TPX2: variants seen among roughly 807,000 people sequenced by gnomAD.
TPX2 encodes the protein TPX2 microtubule nucleation factor.
TPX2 carries 21 observed loss-of-function variants against 93.6 expected under a neutral mutation model. That is an observed-to-expected ratio of 0.22 (90% confidence interval 0.16 to 0.32). The LOEUF is 0.32. TPX2 is among the 10% of genes least tolerant of loss of function. The probability of loss-of-function intolerance (pLI) is 1.00; values close to 1 mark genes in which losing one functional copy is unlikely to be tolerated. For synonymous variants in TPX2, 281 were observed against 298.3 expected (o/e 0.94, Z 0.60); for missense variants, 776 against 871.1 (o/e 0.89, Z 1.37).
intron 2 of TPX2, among the ~76,000 whole-genome samples, chr20:31,744,001 G>A (rs938342594): frequency 6.6e-6 from 1 of 151,226 alleles, no homozygotes; most frequent in Non-Finnish European, 1.5e-5. Context: ...GATTACAGGC[G>A]TGAGCCACCG....
At chr20:31,768,232 C>A (rs2061941256) in intron 5 of TPX2, among the ~76,000 whole-genome samples, 1 of 148,594 alleles carries the variant, frequency 6.7e-6, no homozygotes, top group Non-Finnish European at 1.5e-5. Context: ...CCATGCCCGA[C>A]ACATGCCATC....
At chr20:31,785,311 A>AG (rs2062058833) in intron 12 of TPX2, among the ~76,000 whole-genome samples, 1 of 152,088 alleles carries the variant, frequency 6.6e-6, no homozygotes, top group Non-Finnish European at 1.5e-5. Flanking sequence ...CTTTGTCTTT[A>AG]CCCATTGAGG....
chr20:31,753,943 T>G (rs2061835769), intron 2 of TPX2, among the ~76,000 whole-genome samples: 2 of 151,956 alleles, frequency 1.3e-5, no homozygotes, highest in African/African-American at 4.8e-5. Flanking sequence ...AGAGAATCGC[T>G]TGAACCCAGG....
intron 17 of TPX2, among the ~76,000 whole-genome samples, chr20:31,799,652 C>T (rs1051914582): frequency 3.3e-5 from 5 of 152,126 alleles, no homozygotes; most frequent in Admixed American, 6.5e-5. Flanking sequence ...GTAATCCCAG[C>T]ACTATGGGAG....
rs567634733 is a variant in TPX2, at chr20:31,800,991, C to T, written c.2155C>T (p.Arg719Cys). ...RELVHKANPI[R>C]KYQGLEIKSS... ...GCAGGTGCATAAGGCAAATCCAATA[C>T]GCAAGTACCAGGGTCTGGAGATAAA... Residue 719 changes from arginine (R) to cysteine (C), a missense_variant, in exon 18 of 18, where the codon CGC becomes TGC. This residue lies in a region of TPX2 where 461 missense variants were observed against 551.2 expected (regional missense o/e 0.84). Transcript: ENST00000300403. The T allele has an allele frequency of 4.0e-5, 65 of 1,614,152 alleles. No homozygotes were observed. In the South Asian group the frequency reaches 4.8e-4, roughly 12 times the overall value.
intron 4 of TPX2, among the ~76,000 whole-genome samples, chr20:31,762,143 A>G (rs974151154): frequency 1.3e-5 from 2 of 152,152 alleles, no homozygotes; most frequent in Non-Finnish European, 2.9e-5. Flanking sequence ...CCCTTCTTGA[A>G]TGAATAGTTA....
chr20:31,800,615 C>G (rs1297102732), intron 17 of TPX2, among the ~76,000 whole-genome samples: 5 of 152,176 alleles, frequency 3.3e-5, no homozygotes, highest in Non-Finnish European at 7.3e-5. Context: ...CTGGGAAATT[C>G]TTAGCTTGTA....
intron 9 of TPX2, among the ~76,000 whole-genome samples, chr20:31,778,019 C>T (rs571928211): frequency 3.0e-4 from 46 of 152,242 alleles, no homozygotes; most frequent in African/African-American, 1.1e-3. Flanking sequence ...AGGCGATCCA[C>T]CTGCCTCAGC....
At position 31,760,167 on chromosome 20, in the gene TPX2, C is replaced by A. The variant is rs752019175; in HGVS notation, c.217C>A (p.Pro73Thr). The A allele has an allele frequency of 3.1e-6, 5 of 1,613,444 alleles. No homozygotes were observed. Among genetic ancestry groups the A allele is most frequent in the Non-Finnish European group, 3.4e-6 (4 of 1,179,838 alleles). Reference sequence around the variant, plus strand: ...TAATCTTCAGCAAGCTATTGTCACACCTTTGAAACCAGGTAAGAAAACATC... The same window carrying A: ...TAATCTTCAGCAAGCTATTGTCACAACTTTGAAACCAGGTAAGAAAACATC... ...KANLQQAIVT[P>T]LKPVDNTYYK... is the part of the protein sequence containing the mutation. The change falls in exon 4 of 18, where the codon CCT (proline) becomes ACT (threonine). Residue 73 changes from proline to threonine, a missense_variant. Pro to Thr is a conservative substitution (Grantham distance 38). Around this residue, in one of 3 missense-constraint regions of TPX2, gnomAD observed 279 missense variants for 261.6 expected, o/e 1.07. Coordinates refer to ENST00000300403, the MANE Select transcript of TPX2 (RefSeq NM_012112.5).
chr20:31,746,820 G>A (rs1324338980), intron 2 of TPX2, among the ~76,000 whole-genome samples: 1 of 152,184 alleles, frequency 6.6e-6, no homozygotes, highest in East Asian at 1.9e-4. Context: ...GATGAATGTG[G>A]GAACAGGTTA....
intron 4 of TPX2, among the ~76,000 whole-genome samples, chr20:31,766,226 T>A (rs2061923922): frequency 6.6e-6 from 1 of 152,242 alleles, no homozygotes; most frequent in Non-Finnish European, 1.5e-5. Context: ...TTCCTTACTT[T>A]GTAAGTGATT....
At position 31,759,765 on chromosome 20, in the gene TPX2, T is replaced by G. The variant is rs6119720; in HGVS notation, c.107-292T>G. Among the ~76,000 whole-genome samples, 42,949 of 151,922 alleles carry G rather than the reference T, an allele frequency of 0.28. 7,441 individuals carry two copies. Among genetic ancestry groups the G allele is most frequent in the African/African-American group, 0.48 (19,749 of 41,406 alleles). ...TAGATAAAGCCAGTTCATATTTGTA[T>G]GACCCTAAATGTGTACCAAACAAAG... is the stretch of plus-strand genomic sequence containing the variant. On this transcript the variant is annotated intron_variant, in intron 3 of 17. Coordinates refer to ENST00000300403, the MANE Select transcript of TPX2 (RefSeq NM_012112.5).
chr20:31,782,340 C>G lies in TPX2; in HGVS notation c.1146C>G (p.Thr382=). 6.2e-7 allele frequency: 1 copy of G among 1,613,614 alleles called. No individual in the cohort carries two copies. The highest frequency in any genetic ancestry group is 8.5e-7 in the Non-Finnish European group (1 of 1,179,830). ...LQTKHRARAV[T]CKSTAELEAE... ...CCAAACACCGTGCACGGGCTGTGAC[C>G]TGCAAAAGTACAGCAGAGCTGGAGG... Residue 382 remains threonine, a synonymous_variant, in exon 11 of 18, where the codon ACC becomes ACG. Coordinates refer to ENST00000300403, the MANE Select transcript of TPX2 (RefSeq NM_012112.5).
Position 31,777,516 on chromosome 20 carries a change from G to T in TPX2, c.760G>T (p.Val254Phe). The stretch of plus-strand genomic sequence containing the variant: ...ACCTGTGAAGAAATCAGTGAGCCAG[G>T]TCACCAAATCAGTTGACTTCCACTT... ...GQPVKKSVSQ[V>F]TKSVDFHFRT... The change falls in exon 9 of 18, where the codon GTC (valine) becomes TTC (phenylalanine). Residue 254 changes from valine (V) to phenylalanine (F), a missense_variant. This residue lies in a region of TPX2 where 279 missense variants were observed against 261.6 expected (regional missense o/e 1.07). Coordinates refer to ENST00000300403, the MANE Select transcript of TPX2 (RefSeq NM_012112.5). 1 of 1,613,944 alleles carries T rather than the reference G, an allele frequency of 6.2e-7. No homozygotes were observed. The highest frequency in any genetic ancestry group is 8.5e-7 in the Non-Finnish European group (1 of 1,179,912).
intron 4 of TPX2, among the ~76,000 whole-genome samples, chr20:31,765,611 T>A (rs1471303315): frequency 6.6e-6 from 1 of 152,174 alleles, no homozygotes; most frequent in Non-Finnish European, 1.5e-5. Flanking sequence ...TGTGCTGTGG[T>A]TACATTCATA....
At chr20:31,790,229 A>G (rs1206560267) in intron 12 of TPX2, among the ~76,000 whole-genome samples, 2 of 152,216 alleles carry the variant, frequency 1.3e-5, no homozygotes, top group Non-Finnish European at 2.9e-5. Context: ...TCACTATGCT[A>G]ATGATTCTAG....
At chr20:31,756,684 C>T (rs146311593) in intron 2 of TPX2, among the ~76,000 whole-genome samples, 46 of 152,058 alleles carry the variant, frequency 3.0e-4, no homozygotes, top group African/African-American at 1.1e-3. Context: ...AATGCAATGG[C>T]GCGATCTCGA....
intron 2 of TPX2, among the ~76,000 whole-genome samples, chr20:31,749,934 A>T (rs999426879): frequency 6.6e-6 from 1 of 151,792 alleles, no homozygotes; most frequent in South Asian, 2.1e-4. Context: ...TTAATTTTTT[A>T]AATTAATTAT....
chr20:31,753,899 G>A (rs1210823632), intron 2 of TPX2, among the ~76,000 whole-genome samples: 3 of 152,052 alleles, frequency 2.0e-5, no homozygotes, highest in Admixed American at 6.6e-5. Flanking sequence ...GGTGGCGCAC[G>A]CTTGTAACCC....
Sources: allele counts gnomAD v4.1 joint callset (sites outside exome capture counted in the v4.1 genomes callset), GRCh38; gene constraint gnomAD v4.1.1; regional missense constraint gnomAD v4.1.1; transcripts MANE v1.5; gene names NCBI Gene and HGNC (gene_info 2026-07-23, HGNC 2026-07-21).